The following PTPRD variants were observed in gnomAD, a reference collection of about 807,000 sequenced individuals.
PTPRD encodes the protein protein tyrosine phosphatase receptor type D.
Under a neutral mutation model 214.5 loss-of-function variants are expected in PTPRD, and 34 were observed. The observed-to-expected ratio is 0.16, with a 90% CI of 0.12 to 0.21. The LOEUF (loss-of-function observed/expected upper bound fraction) is 0.21, where lower values mean the gene tolerates loss of function less well. Ranked by LOEUF, PTPRD falls within the 10% of genes least tolerant of loss-of-function variation. The pLI, the probability that PTPRD is intolerant of heterozygous loss-of-function variation, is 1.00. For synonymous variants in PTPRD, 1,128 were observed against 845.7 expected, an observed-to-expected ratio of 1.33 and a Z score of -5.79; for missense variants, 2,545 against 2,398.7, an observed-to-expected ratio of 1.06 and a Z score of -1.27.
chr9:9,415,872 C>T (rs996273344), intron 8 of PTPRD, among the ~76,000 whole-genome samples: 5 of 151,966 alleles, frequency 3.3e-5, no homozygotes, highest in South Asian at 2.1e-4. Context: ...TCGGGTAGGA[C>T]GGGGTAGCAA....
At chr9:8,549,244 T>A (rs1340109541) in intron 14 of PTPRD, among the ~76,000 whole-genome samples, 3 of 152,188 alleles carry the variant, frequency 2.0e-5, no homozygotes, top group East Asian at 3.9e-4. Flanking sequence ...TTAGGGAGTA[T>A]TCATTTTACT....
At chr9:10,206,803 T>C (rs1238580837) in intron 3 of PTPRD, among the ~76,000 whole-genome samples, 1 of 152,164 alleles carries the variant, frequency 6.6e-6, no homozygotes, top group East Asian at 1.9e-4. Flanking sequence ...AAATCATTAG[T>C]AGCTACATAG....
chr9:9,069,548 G>T (rs12348020), intron 10 of PTPRD, among the ~76,000 whole-genome samples: 46,167 of 152,082 alleles, frequency 0.3, 8,384 homozygotes, highest in Middle Eastern at 0.5. Flanking sequence ...TACCTTAACT[G>T]TTCAGTAACA....
intron 3 of PTPRD, among the ~76,000 whole-genome samples, chr9:10,088,843 T>C (rs1199980535): frequency 6.6e-6 from 1 of 151,624 alleles, no homozygotes; most frequent in Non-Finnish European, 1.5e-5. Context: ...TCGTATTTCT[T>C]TGTTGGGTGA....
intron 9 of PTPRD, among the ~76,000 whole-genome samples, chr9:9,246,909 A>G (rs2099973292): frequency 6.6e-6 from 1 of 152,060 alleles, no homozygotes; most frequent in African/African-American, 2.4e-5. Flanking sequence ...AATTTGAGCC[A>G]CAGTACATTG....
Position 9,009,725 on chromosome 9 carries a change from G to A in PTPRD, c.-104+8972C>T, listed in dbSNP as rs115834174. Among the ~76,000 whole-genome samples, 789 of 152,128 alleles carry A rather than the reference G, an allele frequency of 5.2e-3. 14 individuals carry two copies. Among genetic ancestry groups the A allele is most frequent in the African/African-American group, 0.018 (761 of 41,500 alleles). On this transcript the variant is annotated intron_variant, in intron 11 of 45. Coordinates refer to ENST00000381196, the MANE Select transcript of PTPRD (RefSeq NM_002839.4). ...TGGAGGATTTCATTCTGTGATGTAT[G>A]TGCCAATTTGGAAATATTCTAGCTC...
intron 2 of PTPRD, among the ~76,000 whole-genome samples, chr9:10,564,313 C>G (rs76212567): frequency 0.014 from 2,077 of 150,498 alleles, 18 homozygotes; most frequent in Non-Finnish European, 0.021. Flanking sequence ...CTGAGTCCAG[C>G]CTCATATCCG....
chr9:10,463,126 G>A (rs2098970294), intron 2 of PTPRD, among the ~76,000 whole-genome samples: 1 of 151,764 alleles, frequency 6.6e-6, no homozygotes, highest in Non-Finnish European at 1.5e-5. Context: ...GTTGAAAATG[G>A]GTTCAGTTAT....
chr9:10,156,510 T>C (rs1036955471), intron 3 of PTPRD, among the ~76,000 whole-genome samples: 1 of 152,216 alleles, frequency 6.6e-6, no homozygotes, highest in African/African-American at 2.4e-5. Flanking sequence ...AGAGTTGTTA[T>C]GGGTTCATTT....
rs117698983 is a variant in PTPRD at position 8,808,035 on chromosome 9, G to T, written c.-103-74089C>A. Among the ~76,000 whole-genome samples, 1,238 of 152,240 alleles carry T rather than the reference G, an allele frequency of 8.1e-3. 5 individuals are homozygous for T. Among genetic ancestry groups the T allele is most frequent in the Non-Finnish European group, 0.014 (929 of 67,994 alleles). ...ATGCTCTACAAAATGAAAATGCTAT[G>T]CATTTTGCACAAGGTCATGAAAGTC... On this transcript the variant is annotated intron_variant, in intron 11 of 45. Transcript: ENST00000381196.
At chr9:9,624,026 A>T (rs2095335425) in intron 7 of PTPRD, among the ~76,000 whole-genome samples, 1 of 152,184 alleles carries the variant, frequency 6.6e-6, no homozygotes, top group East Asian at 1.9e-4. Flanking sequence ...GAGCTCATAA[A>T]AAGCACTAAT....
chr9:8,691,120 G>C (rs912568903), intron 12 of PTPRD, among the ~76,000 whole-genome samples: 1 of 152,066 alleles, frequency 6.6e-6, no homozygotes, highest in African/African-American at 2.4e-5. Context: ...AATGGCTTTT[G>C]ACAAAACTAT....
At chr9:8,977,229 A>C (rs2099272907) in intron 11 of PTPRD, among the ~76,000 whole-genome samples, 1 of 152,082 alleles carries the variant, frequency 6.6e-6, no homozygotes, top group African/African-American at 2.4e-5. Context: ...TACCGTCTTC[A>C]AATTTTAACC....
At chr9:8,683,101 T>C (rs1008623245) in intron 12 of PTPRD, among the ~76,000 whole-genome samples, 2 of 152,154 alleles carry the variant, frequency 1.3e-5, no homozygotes, top group East Asian at 1.9e-4. Flanking sequence ...AAGAGGAATA[T>C]AAAAAAAGAG....
At chr9:9,934,543 G>A (rs1168910370) in intron 5 of PTPRD, among the ~76,000 whole-genome samples, 1 of 151,204 alleles carries the variant, frequency 6.6e-6, no homozygotes, top group African/African-American at 2.4e-5. Context: ...TTGAATCTCT[G>A]AATAGACCAA....
intron 7 of PTPRD, among the ~76,000 whole-genome samples, chr9:9,623,432 C>T (rs1450785067): frequency 6.6e-6 from 1 of 152,176 alleles, no homozygotes; most frequent in Non-Finnish European, 1.5e-5. Context: ...TGCAGTATAA[C>T]AATGTGTCTT....
At chr9:8,838,648 C>A (rs183210076) in intron 11 of PTPRD, among the ~76,000 whole-genome samples, 35 of 151,592 alleles carry the variant, frequency 2.3e-4, no homozygotes, top group African/African-American at 8.0e-4. Flanking sequence ...GTATATAACT[C>A]TTGGTTGTGA....
chr9:9,325,770 C>A (rs570008638), intron 9 of PTPRD, among the ~76,000 whole-genome samples: 107 of 152,250 alleles, frequency 7.0e-4, no homozygotes, highest in Non-Finnish European at 1.3e-3. Flanking sequence ...TGTCTTGTGC[C>A]AGTTTTCAAA....
At chr9:10,190,062 A>G (rs2099355696) in intron 3 of PTPRD, among the ~76,000 whole-genome samples, 1 of 152,130 alleles carries the variant, frequency 6.6e-6, no homozygotes, top group Admixed American at 6.6e-5. Context: ...GAAGCTGCCA[A>G]CAGATTAGAA....
Sources: gnomAD v4.1 joint callset for allele counts (sites outside exome capture counted in the v4.1 genomes callset) on GRCh38, gnomAD v4.1.1 for gene constraint, MANE v1.5 for transcripts, NCBI Gene and HGNC (gene_info 2026-07-23, HGNC 2026-07-21) for gene names.